The following UPF3A variants were observed in gnomAD, a reference collection of about 807,000 sequenced individuals.
The protein encoded by UPF3A is UPF3A regulator of nonsense mediated mRNA decay, also known as regulator of nonsense transcripts 3A.
UPF3A carries 42 observed loss-of-function variants against 53.5 expected under a neutral mutation model. The ratio of observed to expected loss-of-function variants is 0.78; its 90% CI spans 0.61 to 1.01. UPF3A has a LOEUF of 1.01. Ranked by LOEUF, UPF3A falls within the 50% of genes least tolerant of loss-of-function variation. The pLI is 0.00. For synonymous variants in UPF3A, 237 were observed against 225.3 expected, an observed-to-expected ratio of 1.05 and a Z score of -0.47; for missense variants, 575 against 598.0, an observed-to-expected ratio of 0.96 and a Z score of 0.40.
At position 114,292,536 on chromosome 13, in the gene UPF3A, G is replaced by A. The variant is rs138859669; in HGVS notation, c.846+744G>A. Among the ~76,000 whole-genome samples, 1,235 of 148,340 alleles carry A rather than the reference G, an allele frequency of 8.3e-3. 24 individuals carry two copies. The highest frequency in any genetic ancestry group is 0.023 in the African/African-American group (889 of 39,408). On this transcript the variant is annotated intron_variant, in intron 7 of 9. Coordinates refer to ENST00000375299, the MANE Select transcript of UPF3A (RefSeq NM_023011.4). ...TTTATTTTCGGTTCAAGGCGTACAC[G>A]TGCAGGTGTGTTACGTGTTCATTTT...
chr13:114,297,222 GTTT>G (rs1181794334), intron 7 of UPF3A, among the ~76,000 whole-genome samples: 14 of 124,606 alleles, frequency 1.1e-4, no homozygotes, highest in Admixed American at 2.7e-4. Flanking sequence ...TGGTGCTTCC[GTTT>G]TTTTTTTTTT....
chr13:114,282,375 G>T, intron 2 of UPF3A: 1 of 1,149,810 alleles, frequency 8.7e-7, no homozygotes, highest in South Asian at 1.9e-5. Context: ...AGGAAAGCGG[G>T]TGCCTTTGAA....
chr13:114,302,826 G>GC (rs935432985), intron 9 of UPF3A, among the ~76,000 whole-genome samples: 60 of 152,228 alleles, frequency 3.9e-4, no homozygotes, highest in African/African-American at 1.4e-3. Flanking sequence ...GTGTAGCTGG[G>GC]CATGGTGGCT....
rs577066513 is a variant in UPF3A at position 114,293,861 on chromosome 13, C to T, written c.846+2069C>T. The stretch of plus-strand genomic sequence containing the variant: ...AGTTGGCTGGGTATGATGGCTCATT[C>T]CTATAATCTCAGGACTTTGGGAGAC... On this transcript the variant is annotated intron_variant, in intron 7 of 9. Transcript: ENST00000375299. Among the ~76,000 whole-genome samples, 9 of 152,224 alleles carry T rather than the reference C, an allele frequency of 5.9e-5. No individual in the cohort carries two copies. In the East Asian group the frequency reaches 1.7e-3, roughly 29 times the overall value.
In UPF3A at chr13:114,281,613, C is replaced by G; in HGVS notation, c.-27C>G. ...CTCGCGAGGTTTCGTCGGGGGCTGG[C>G]GGCTGCGGCTCGGCGGAGAGTGCGG... is the stretch of plus-strand genomic sequence containing the variant. On this transcript the variant is annotated 5_prime_UTR_variant, in exon 1 of 10. Transcript: ENST00000375299. 1 of 1,403,988 alleles carries G rather than the reference C, an allele frequency of 7.1e-7. No homozygotes were observed. Among genetic ancestry groups the G allele is most frequent in the Non-Finnish European group, 9.3e-7 (1 of 1,080,830 alleles). The allele number at this position is 1,403,988 out of a possible 1,614,324, so 87.0% of individuals were successfully genotyped here. A position where few individuals can be genotyped will look rare whatever the true frequency, so the allele number is the denominator to read the frequency against.
chr13:114,283,861 C>G (rs1191863009), intron 3 of UPF3A: 1 of 985,348 alleles, frequency 1.0e-6, no homozygotes, highest in Non-Finnish European at 1.2e-6. Flanking sequence ...CCTCCCCTCC[C>G]CAGCCACCCT....
At chr13:114,289,117 A>C (rs530196704) in intron 5 of UPF3A, among the ~76,000 whole-genome samples, 1 of 152,192 alleles carries the variant, frequency 6.6e-6, no homozygotes, top group Non-Finnish European at 1.5e-5. Context: ...AGTTGGCTGA[A>C]TGAATGAATG....
intron 7 of UPF3A, 93 bp downstream of exon 7, chr13:114,291,885 C>T (rs1202245258): frequency 7.2e-7 from 1 of 1,380,048 alleles, no homozygotes; most frequent in African/African-American, 1.5e-5. Flanking sequence ...ATTTTGAAAA[C>T]ATTCTGAATT....
intron 5 of UPF3A, among the ~76,000 whole-genome samples, chr13:114,290,537 G>A (rs1004078878): frequency 3.3e-5 from 5 of 152,082 alleles, no homozygotes; most frequent in South Asian, 2.1e-4. Context: ...CCATGTCAGC[G>A]CAAGTCCCTC....
chr13:114,286,873 C>T (rs994371225), intron 5 of UPF3A: 9 of 481,714 alleles, frequency 1.9e-5, no homozygotes, highest in African/African-American at 1.8e-4. Context: ...AGTTATGATG[C>T]TTCCGAATGA....
chr13:114,303,266 G>C (rs1384376497), intron 9 of UPF3A, among the ~76,000 whole-genome samples: 5 of 152,132 alleles, frequency 3.3e-5, no homozygotes, highest in African/African-American at 1.2e-4. Flanking sequence ...TTGCTCATAG[G>C]AGTCCTCAGT....
At chr13:114,283,991 C>T (rs2084394442) in intron 3 of UPF3A, 1 of 985,290 alleles carries the variant, frequency 1.0e-6, no homozygotes, top group Non-Finnish European at 1.2e-6. Flanking sequence ...TGACTAGAAG[C>T]AAATGTGATG....
rs1555368996 is a variant in UPF3A at position 114,286,587 on chromosome 13, A to G, written c.589A>G (p.Thr197Ala). The change falls in exon 5 of 10, where the codon ACT becomes GCT. Residue 197 changes from threonine to alanine, a missense_variant. By Grantham distance (58) the Thr-to-Ala change is moderately conservative. This residue lies in a region of UPF3A where 323 missense variants were observed against 415.2 expected (regional missense o/e 0.78). Transcript: ENST00000375299. ...EEEKTSANPE[T>A]LLGEMEAKTR... ...AGAGAAGACCAGTGCCAACCCTGAG[A>G]CTCTGCTGGGGGAGATGGAGGCGAA... 6.2e-7 allele frequency: 1 copy of G among 1,613,756 alleles called. No individual in the cohort carries two copies. Among genetic ancestry groups the G allele is most frequent in the Non-Finnish European group, 8.5e-7 (1 of 1,179,874 alleles).
intron 5 of UPF3A, among the ~76,000 whole-genome samples, chr13:114,289,711 C>T (rs1381576077): frequency 6.6e-6 from 1 of 152,266 alleles, no homozygotes; most frequent in African/African-American, 2.4e-5. Flanking sequence ...CCTTTAGCAT[C>T]GGCCTTTAGA....
intron 5 of UPF3A, among the ~76,000 whole-genome samples, chr13:114,288,085 G>A (rs1266546652): frequency 3.9e-5 from 6 of 152,210 alleles, no homozygotes; most frequent in Middle Eastern, 3.2e-3. Flanking sequence ...GATTACAGGC[G>A]TGAGCCACCA....
At chr13:114,282,228 T>TG in intron 2 of UPF3A, 101 bp downstream of exon 2, 1 of 981,756 alleles carries the variant, frequency 1.0e-6, no homozygotes, top group South Asian at 1.7e-5. Context: ...TTCTCCTATA[T>TG]GGGAGTCGTG....
chr13:114,286,224 G>A (rs2084674504), intron 3 of UPF3A, 78 bp from the exon 4 acceptor site: 5 of 1,575,886 alleles, frequency 3.2e-6, no homozygotes, highest in East Asian at 4.5e-5. Context: ...TACTCTTTAA[G>A]TAAGTTAGGT....
intron 7 of UPF3A, among the ~76,000 whole-genome samples, chr13:114,298,452 A>C (rs768069791): frequency 6.6e-6 from 1 of 151,804 alleles, no homozygotes; most frequent in Non-Finnish European, 1.5e-5. Context: ...AGGCAGGAGA[A>C]TCACTTGAAC....
At chr13:114,295,127 A>G (rs1594807989) in intron 7 of UPF3A, among the ~76,000 whole-genome samples, 1 of 151,784 alleles carries the variant, frequency 6.6e-6, no homozygotes, top group East Asian at 1.9e-4. Flanking sequence ...AAAAAAAAAA[A>G]AGAAAAGAAA....
Sources: allele counts gnomAD v4.1 joint callset (sites outside exome capture counted in the v4.1 genomes callset), GRCh38; gene constraint gnomAD v4.1.1; regional missense constraint gnomAD v4.1.1; transcripts MANE v1.5; gene names NCBI Gene and HGNC (gene_info 2026-07-23, HGNC 2026-07-21).